Variants in CCT5 observed in about 807,000 individuals in gnomAD.
CCT5 encodes T-complex protein 1 subunit epsilon.
In CCT5, 6 loss-of-function variants were observed where a neutral mutation model predicts 55.0. That is an observed-to-expected ratio of 0.11 (90% confidence interval 0.06 to 0.22). CCT5 has a LOEUF of 0.22. Ranked by LOEUF, CCT5 falls within the 10% of genes least tolerant of loss-of-function variation. The pLI is 1.00. For synonymous variants in CCT5, 231 were observed against 243.7 expected (o/e 0.95, Z 0.49); for missense variants, 560 against 694.6 (o/e 0.81, Z 2.18).
At chr5:10,254,982 G>GT (rs1449131949) in intron 3 of CCT5, 144 bp downstream of exon 3, 1 of 634,790 alleles carries the variant, frequency 1.6e-6, no homozygotes, top group African/African-American at 2.1e-5. Context: ...CAAAACAAAT[G>GT]TCGGACTTTC....
Position 10,258,469 on chromosome 5 carries a change from C to G in CCT5, c.807C>G (p.Thr269=), listed in dbSNP as rs1318996081. 6.2e-7 allele frequency: 1 copy of G among 1,613,962 alleles called. No homozygotes were observed. Among genetic ancestry groups the G allele is most frequent in the South Asian group, 1.1e-5 (1 of 91,084 alleles). Residue 269 remains threonine (T), a synonymous_variant, in exon 6 of 11, where the codon ACC becomes ACG. Coordinates refer to ENST00000280326, the MANE Select transcript of CCT5 (RefSeq NM_012073.5). ...KPKTKHKLDV[T]SVEDYKALQK... ...AAACAAAGCATAAGCTGGATGTGAC[C>G]TCTGTCGAAGATTATAAAGCCCTTC...
Position 10,261,728 on chromosome 5 carries a change from A to G in CCT5, c.1162A>G (p.Arg388Gly). ...KNSRAVTIFI[R>G]GGNKMIIEEA... ...CTCCAGAGCTGTAACCATTTTTATT[A>G]GAGGAGGAAATAAGATGGTGAGAAT... The change falls in exon 8 of 11, where the codon AGA becomes GGA. Residue 388 changes from arginine to glycine, a missense_variant. Around this residue, in one of 4 missense-constraint regions of CCT5, gnomAD observed 256 missense variants for 372.4 expected, o/e 0.69. Coordinates refer to ENST00000280326, the MANE Select transcript of CCT5 (RefSeq NM_012073.5). 6.2e-7 allele frequency: 1 copy of G among 1,613,806 alleles called. No homozygotes were observed. The highest frequency in any genetic ancestry group is 1.1e-5 in the South Asian group (1 of 91,054).
At chr5:10,256,227 C>G in intron 4 of CCT5, 74 bp downstream of exon 4, 1 of 1,222,482 alleles carries the variant, frequency 8.2e-7, no homozygotes, top group East Asian at 2.4e-5. Flanking sequence ...AAAGGCAACA[C>G]AAAATGACCA....
chr5:10,263,417 A>C lies in CCT5; in HGVS notation c.1498+103A>C, dbSNP rs1164414466. On this transcript the variant is annotated intron_variant, in intron 10 of 10. Transcript: ENST00000280326. ...GTGAGATGATGGTGTCTTTTTAAAT[A>C]TGTAAGCCCACTTCAGGTGTTCAAG... 3.7e-6 allele frequency: 4 copies of C among 1,095,302 alleles called. No homozygotes were observed. In the Admixed American group the frequency reaches 8.0e-5, roughly 22 times the overall value. The allele number at this position is 1,095,302 out of a possible 1,614,324, so 67.8% of individuals were successfully genotyped here.
In CCT5 at chr5:10,258,274, A is replaced by G; in HGVS notation, c.694A>G (p.Lys232Glu). Residue 232 changes from lysine (K) to glutamate (E), a missense_variant, in exon 5 of 11, where the codon AAG becomes GAG. This residue lies in a region of CCT5 where 256 missense variants were observed against 372.4 expected (regional missense o/e 0.69). Transcript: ENST00000280326. Reference sequence around the variant, plus strand: ...ACTGATTAAGGGCGTGATTGTGGACAAGGATTTCAGTCACCCACAGATGCC... The same window carrying G: ...ACTGATTAAGGGCGTGATTGTGGACGAGGATTTCAGTCACCCACAGATGCC... Reference protein sequence around the residue: ...TKLIKGVIVDKDFSHPQMPKK... With the variant: ...TKLIKGVIVDEDFSHPQMPKK... 1 of 1,614,238 alleles carries G rather than the reference A, an allele frequency of 6.2e-7. No individual in the cohort carries two copies. The highest frequency in any genetic ancestry group is 1.3e-5 in the African/African-American group (1 of 75,058).
intron 1 of CCT5, among the ~76,000 whole-genome samples, chr5:10,252,438 A>G (rs550946979): frequency 4.4e-4 from 66 of 151,592 alleles, no homozygotes; most frequent in African/African-American, 1.6e-3. Flanking sequence ...ACTTAACTGT[A>G]TAATATTTCA....
At chr5:10,252,533 G>A (rs2607296) in intron 1 of CCT5, among the ~76,000 whole-genome samples, 30,142 of 151,054 alleles carry the variant, frequency 0.2, 4,503 homozygotes, top group East Asian at 0.77. Context: ...GAGAATCGCT[G>A]GAACCTGGGA....
At chr5:10,264,579 C>T in intron 10 of CCT5, 77 bp from the exon 11 acceptor site, 1 of 991,472 alleles carries the variant, frequency 1.0e-6, no homozygotes, top group Non-Finnish European at 1.6e-6. Flanking sequence ...ACTGTGATTC[C>T]CTAAATCAGA....
chr5:10,252,111 G>C (rs1331074867), intron 1 of CCT5, among the ~76,000 whole-genome samples: 1 of 152,170 alleles, frequency 6.6e-6, no homozygotes, highest in African/African-American at 2.4e-5. Context: ...ATTCGAGGTC[G>C]GATCATTCTT....
intron 1 of CCT5, among the ~76,000 whole-genome samples, chr5:10,252,576 C>G (rs1745478686): frequency 6.9e-6 from 1 of 145,192 alleles, no homozygotes. Flanking sequence ...GATCACGCCA[C>G]TGCACTCCAG....
chr5:10,263,268 G>C lies in CCT5; in HGVS notation c.1452G>C (p.Glu484Asp). The change falls in exon 10 of 11, where the codon GAG (glutamate) becomes GAC (aspartate). Residue 484 changes from glutamate (E) to aspartate (D), a missense_variant. Glu to Asp is a conservative substitution (Grantham distance 45). This residue lies in a region of CCT5 where 115 missense variants were observed against 105.0 expected (regional missense o/e 1.10). Transcript: ENST00000280326. ...MTEVRARQVKEMNPALGIDCL... is the reference protein window; with the variant it reads ...MTEVRARQVKDMNPALGIDCL... ...AAGTCCGAGCCAGACAGGTGAAGGA[G>C]ATGAACCCTGCTCTTGGCATCGACT... is the stretch of plus-strand genomic sequence containing the variant. The C allele has an allele frequency of 6.2e-7, 1 of 1,613,854 alleles. No individual in the cohort carries two copies. Among genetic ancestry groups the C allele is most frequent in the Non-Finnish European group, 8.5e-7 (1 of 1,179,960 alleles).
At chr5:10,257,243 GTCC>G (rs1354176746) in intron 4 of CCT5, among the ~76,000 whole-genome samples, 8 of 152,306 alleles carry the variant, frequency 5.3e-5, no homozygotes, top group Admixed American at 3.3e-4. Flanking sequence ...AATGCCTGCT[GTCC>G]TCCTCTAACC....
At chr5:10,258,052 C>T (rs1409857928) in intron 4 of CCT5, 59 bp from the exon 5 acceptor site, 26 of 1,530,634 alleles carry the variant, frequency 1.7e-5, no homozygotes, top group Non-Finnish European at 2.0e-5. Context: ...GTTATGTGGC[C>T]TGCTTTGGTT....
chr5:10,250,572 C>T (rs1745332874), intron 1 of CCT5, 127 bp downstream of exon 1: 2 of 1,505,408 alleles, frequency 1.3e-6, no homozygotes, highest in African/African-American at 1.4e-5. Flanking sequence ...TCTCCGTCTC[C>T]CTGCGGTCTC....
chr5:10,255,555 A>G (rs1340277178), intron 3 of CCT5, among the ~76,000 whole-genome samples: 2 of 149,992 alleles, frequency 1.3e-5, no homozygotes, highest in East Asian at 3.9e-4. Context: ...TTGCGACCCT[A>G]AAATGAGGAG....
At chr5:10,250,912 G>T in intron 1 of CCT5, 1 of 996,020 alleles carries the variant, frequency 1.0e-6, no homozygotes, top group Non-Finnish European at 1.2e-6. Context: ...ACTTAACAGG[G>T]TATTTCATTT....
Position 10,261,698 on chromosome 5 carries a change from A to G in CCT5, c.1132A>G (p.Lys378Glu), listed in dbSNP as rs773314762. 8.4e-5 allele frequency: 135 copies of G among 1,614,022 alleles called. No homozygotes were observed. Among genetic ancestry groups the G allele is most frequent in the Non-Finnish European group, 1.1e-4 (127 of 1,179,994 alleles). The change falls in exon 8 of 11, where the codon AAG (lysine) becomes GAG (glutamate). Residue 378 changes from lysine to glutamate, a missense_variant. By Grantham distance (56) the Lys-to-Glu change is moderately conservative (BLOSUM62 1). This residue lies in a region of CCT5 where 256 missense variants were observed against 372.4 expected (regional missense o/e 0.69). Transcript: ENST00000280326. ...TAAAATGCTGGTCATCGAGCAGTGT[A>G]AGAACTCCAGAGCTGTAACCATTTT... Reference protein sequence around the residue: ...KDKMLVIEQCKNSRAVTIFIR... With the variant: ...KDKMLVIEQCENSRAVTIFIR...
intron 10 of CCT5, 60 bp downstream of exon 10, chr5:10,263,374 T>C: frequency 6.9e-7 from 1 of 1,450,956 alleles, no homozygotes. Context: ...AACTGAATAA[T>C]CATCCACTGT....
intron 1 of CCT5, among the ~76,000 whole-genome samples, 157 bp from the exon 2 acceptor site, chr5:10,253,988 A>G (rs534188649): frequency 6.6e-6 from 1 of 152,372 alleles, no homozygotes; most frequent in South Asian, 2.1e-4. Context: ...GGAGTCGTAA[A>G]TGTTATAATA....
Sources: allele counts gnomAD v4.1 joint callset (sites outside exome capture counted in the v4.1 genomes callset), GRCh38; gene constraint gnomAD v4.1.1; regional missense constraint gnomAD v4.1.1; transcripts MANE v1.5; gene names NCBI Gene and HGNC (gene_info 2026-07-23, HGNC 2026-07-21).